The following STX18 variants were observed in gnomAD, a reference collection of about 807,000 sequenced individuals.
The protein encoded by STX18 is syntaxin 18.
STX18 carries 40 observed loss-of-function variants against 50.1 expected under a neutral mutation model. The observed-to-expected ratio is 0.80, with a 90% CI of 0.62 to 1.04. STX18 has a LOEUF of 1.04. Ranked by LOEUF, STX18 falls within the 50% of genes least tolerant of loss-of-function variation. STX18 has a pLI of 0.00. For missense variants in STX18, 410 were observed against 415.8 expected (o/e 0.99, Z 0.12); for synonymous variants, 158 against 151.8 (o/e 1.04, Z -0.30).
At chr4:4,468,317 T>C (rs1270435489) in intron 2 of STX18, among the ~76,000 whole-genome samples, 1 of 152,160 alleles carries the variant, frequency 6.6e-6, no homozygotes, top group Non-Finnish European at 1.5e-5. Flanking sequence ...TCTAATTATG[T>C]GCTTACCTGG....
intron 5 of STX18, among the ~76,000 whole-genome samples, chr4:4,452,885 ATTCCAACCTTCCTGAATAACTTTGAGGGG>A (rs1317208311): frequency 1.5e-4 from 23 of 152,222 alleles, no homozygotes; most frequent in Admixed American, 1.5e-3. Flanking sequence ...GAAGAAGTGG[ATTCCAACCTTCCTGAATAACTTTGAGGGG>A]TTCAAGACTT....
chr4:4,509,627 T>C (rs561511438), intron 1 of STX18, among the ~76,000 whole-genome samples: 4 of 152,282 alleles, frequency 2.6e-5, no homozygotes, highest in Admixed American at 1.3e-4. Flanking sequence ...ATAATCAATA[T>C]ATTAAAATCA....
Position 4,420,554 on chromosome 4 carries a change from G to C in STX18, c.912+310C>G. 2 of 418,882 alleles carry C rather than the reference G, an allele frequency of 4.8e-6. No homozygotes were observed. Among genetic ancestry groups the C allele is most frequent in the East Asian group, 4.5e-5 (1 of 22,346 alleles). The allele number at this position is 418,882 out of a possible 1,614,324, so 25.9% of individuals were successfully genotyped here. A position where few individuals can be genotyped will look rare whatever the true frequency, so the allele number is the denominator to read the frequency against. On this transcript the variant is annotated intron_variant, in intron 10 of 10. Coordinates refer to ENST00000306200, the MANE Select transcript of STX18 (RefSeq NM_016930.4). This position sits in a 1 kb window ranked among gnomAD's most constrained non-coding sequence, Gnocchi z 4.3. ...GGGCCAGGCTCTGACCCCTCGGTGG[G>C]GGCCAACGAGCTACCCATGTACATC... is the stretch of plus-strand genomic sequence containing the variant.
chr4:4,508,534 A>G (rs1302079891), intron 1 of STX18, among the ~76,000 whole-genome samples: 5 of 152,204 alleles, frequency 3.3e-5, no homozygotes, highest in African/African-American at 1.2e-4. Context: ...GCTGTGTAAC[A>G]ACAAACAATT....
intron 7 of STX18, among the ~76,000 whole-genome samples, chr4:4,427,069 C>T (rs1725279940): frequency 1.3e-5 from 2 of 152,236 alleles, no homozygotes; most frequent in Admixed American, 1.3e-4. Flanking sequence ...ACATTTCTCA[C>T]ACTTGTTCAG....
intron 1 of STX18, among the ~76,000 whole-genome samples, chr4:4,504,598 ATAAAG>A (rs1385950072): frequency 2.0e-5 from 3 of 152,250 alleles, no homozygotes; most frequent in African/African-American, 7.2e-5. Context: ...TTCAGAATGT[ATAAAG>A]TACTCTCAAA....
intron 1 of STX18, chr4:4,478,785 G>A (rs1480044257): frequency 6.6e-6 from 1 of 152,398 alleles, no homozygotes; most frequent in Non-Finnish European, 1.5e-5. Flanking sequence ...AGAGGAGAGA[G>A]CTGTGTTCAG....
chr4:4,481,871 T>C (rs112516420), intron 1 of STX18, among the ~76,000 whole-genome samples: 1,578 of 152,252 alleles, frequency 0.01, 13 homozygotes, highest in Non-Finnish European at 0.019. Flanking sequence ...AGCAGCGAGT[T>C]TGTTGAGGGA....
Position 4,434,251 on chromosome 4 carries a change from C to T in STX18, c.702+519G>A, listed in dbSNP as rs78395645. ...TGAGCTGCACACAGACATTGCTGGA[C>T]GTGAGCTGGCAGGGGCTTGGCAGAC... On this transcript the variant is annotated intron_variant, in intron 7 of 10. Coordinates refer to ENST00000306200, the MANE Select transcript of STX18 (RefSeq NM_016930.4). Among the ~76,000 whole-genome samples the T allele has an allele frequency of 3.2e-3, 491 of 152,270 alleles. 2 individuals carry two copies. The highest frequency in any genetic ancestry group is 0.011 in the African/African-American group (474 of 41,538).
chr4:4,517,946 T>C (rs1730355650), intron 1 of STX18, among the ~76,000 whole-genome samples: 1 of 152,118 alleles, frequency 6.6e-6, no homozygotes, highest in African/African-American at 2.4e-5. Context: ...GGCTAATTTT[T>C]GTATTTTTAG....
chr4:4,469,848 G>T (rs1727823634), intron 2 of STX18, among the ~76,000 whole-genome samples: 2 of 152,136 alleles, frequency 1.3e-5, no homozygotes. Context: ...GATGAGGTGA[G>T]GAGGAAACTG....
At chr4:4,525,660 T>C (rs1371860980) in intron 1 of STX18, among the ~76,000 whole-genome samples, 1 of 152,092 alleles carries the variant, frequency 6.6e-6, no homozygotes, top group African/African-American at 2.4e-5. Context: ...AGCATGAAAA[T>C]AGAGTCCTGC....
intron 7 of STX18, among the ~76,000 whole-genome samples, chr4:4,430,984 A>G (rs1725488663): frequency 6.6e-6 from 1 of 152,164 alleles, no homozygotes; most frequent in Non-Finnish European, 1.5e-5. Context: ...GCATCAGGTG[A>G]TTACGAATAT....
intron 1 of STX18, among the ~76,000 whole-genome samples, chr4:4,508,754 C>A (rs1397977928): frequency 1.3e-5 from 2 of 152,182 alleles, no homozygotes; most frequent in Non-Finnish European, 2.9e-5. Flanking sequence ...GCTCCCCCAC[C>A]ATGTGTCCAT....
chr4:4,529,186 AC>A (rs1174623790), intron 1 of STX18, among the ~76,000 whole-genome samples: 1 of 152,104 alleles, frequency 6.6e-6, no homozygotes, highest in Non-Finnish European at 1.5e-5. Context: ...ACACGGTGAA[AC>A]CCTGTCTCTA....
chr4:4,541,682 T>A, intron 1 of STX18, 115 bp downstream of exon 1: 1 of 1,252,424 alleles, frequency 8.0e-7, no homozygotes, highest in Non-Finnish European at 1.1e-6. Context: ...TCTGTCCCCC[T>A]TAGAGCCACC....
At chr4:4,477,153 G>A (rs1050388647) in intron 1 of STX18, among the ~76,000 whole-genome samples, 1 of 152,204 alleles carries the variant, frequency 6.6e-6, no homozygotes, top group Non-Finnish European at 1.5e-5. Flanking sequence ...TGAGGCAGGA[G>A]AATCACTTGA....
intron 1 of STX18, among the ~76,000 whole-genome samples, chr4:4,539,751 T>A (rs1731493432): frequency 6.6e-6 from 1 of 152,194 alleles, no homozygotes; most frequent in Admixed American, 6.5e-5. Flanking sequence ...GACAGGGAAC[T>A]CAGCACCCTA....
chr4:4,533,551 T>C (rs923330200), intron 1 of STX18, among the ~76,000 whole-genome samples: 26 of 152,376 alleles, frequency 1.7e-4, no homozygotes, highest in African/African-American at 6.0e-4. Context: ...ATCTGTATTC[T>C]TCTGCACATT....
Sources: allele counts gnomAD v4.1 joint callset (sites outside exome capture counted in the v4.1 genomes callset), GRCh38; gene constraint gnomAD v4.1.1; non-coding constraint Gnocchi (gnomAD v3.1); transcripts MANE v1.5; gene names NCBI Gene and HGNC (gene_info 2026-07-23, HGNC 2026-07-21).